The following LRRFIP2 variants were observed in gnomAD, a reference collection of about 807,000 sequenced individuals.
LRRFIP2 encodes LRR binding FLII interacting protein 2.
LRRFIP2 carries 109 observed loss-of-function variants against 125.9 expected under a neutral mutation model. The observed-to-expected ratio is 0.87, with a 90% confidence interval of 0.74 to 1.01. LRRFIP2 has a LOEUF of 1.01. Ranked by LOEUF, LRRFIP2 falls within the 50% of genes least tolerant of loss-of-function variation. The probability of loss-of-function intolerance (pLI) is 0.00; values close to 1 mark genes in which losing one functional copy is unlikely to be tolerated. For synonymous variants in LRRFIP2, 291 were observed against 293.1 expected, an observed-to-expected ratio of 0.99 and a Z score of 0.07; for missense variants, 850 against 862.3, an observed-to-expected ratio of 0.99 and a Z score of 0.18.
chr3:37,104,376 T>G (rs2094214280), intron 14 of LRRFIP2, among the ~76,000 whole-genome samples: 1 of 152,168 alleles, frequency 6.6e-6, no homozygotes, highest in Non-Finnish European at 1.5e-5. Context: ...TTCCAAGGTG[T>G]TTTTAGGTGT....
At chr3:37,097,150 C>T (rs1189749431) in intron 15 of LRRFIP2, among the ~76,000 whole-genome samples, 1 of 151,616 alleles carries the variant, frequency 6.6e-6, no homozygotes, top group Non-Finnish European at 1.5e-5. Flanking sequence ...AATATTTTCC[C>T]CCACATCAAG....
intron 2 of LRRFIP2, chr3:37,143,698 A>C (rs1006967164): frequency 6.0e-6 from 1 of 167,308 alleles, no homozygotes; most frequent in Admixed American, 6.2e-5. Flanking sequence ...GTCCTCAGTA[A>C]ACTTTAGACA....
At chr3:37,145,432 A>G (rs1326097579) in intron 2 of LRRFIP2, among the ~76,000 whole-genome samples, 1 of 152,052 alleles carries the variant, frequency 6.6e-6, no homozygotes. Flanking sequence ...TGAGAGGGGG[A>G]AAAAAAGGTG....
intron 1 of LRRFIP2, among the ~76,000 whole-genome samples, chr3:37,155,988 C>A (rs2096177735): frequency 6.6e-6 from 1 of 152,150 alleles, no homozygotes; most frequent in South Asian, 2.1e-4. Context: ...GATTCTCCTG[C>A]CTCAGCCTCC....
chr3:37,079,926 G>C (rs1246009637), intron 19 of LRRFIP2, among the ~76,000 whole-genome samples: 1 of 152,030 alleles, frequency 6.6e-6, no homozygotes, highest in African/African-American at 2.4e-5. Flanking sequence ...GGGGTTTGGG[G>C]GAAAGGAAGA....
At chr3:37,081,718 T>TA (rs11408668) in intron 19 of LRRFIP2, among the ~76,000 whole-genome samples, 54,587 of 150,534 alleles carry the variant, frequency 0.36, 10,786 homozygotes, top group Non-Finnish European at 0.45. Context: ...ACCGTTTCTA[T>TA]AAAAAAAAAT....
In LRRFIP2 at chr3:37,123,246, T is replaced by G. The variant is rs1384432798; in HGVS notation, c.229-1555A>C. Among the ~76,000 whole-genome samples the G allele has an allele frequency of 2.0e-5, 3 of 152,232 alleles. No individual in the cohort carries two copies. In the East Asian group the frequency reaches 5.8e-4, roughly 29 times the overall value. On this transcript the variant is annotated intron_variant, in intron 4 of 27. Coordinates refer to ENST00000336686, the MANE Select transcript of LRRFIP2 (RefSeq NM_006309.4). Reference sequence around the variant, plus strand: ...CTCTGTCGCCTAGGCTGGAATGCAGTGGCGCGACCTCAGTTCATGGCAACC... The same window carrying G: ...CTCTGTCGCCTAGGCTGGAATGCAGGGGCGCGACCTCAGTTCATGGCAACC...
chr3:37,120,352 G>A (rs376191665), intron 6 of LRRFIP2, among the ~76,000 whole-genome samples: 48 of 152,074 alleles, frequency 3.2e-4, no homozygotes, highest in South Asian at 2.3e-3. Flanking sequence ...TGATCCACCC[G>A]CCTTGGCCTC....
At chr3:37,165,316 G>A (rs2096452299) in intron 1 of LRRFIP2, among the ~76,000 whole-genome samples, 1 of 151,890 alleles carries the variant, frequency 6.6e-6, no homozygotes, top group South Asian at 2.1e-4. Context: ...AGAATCTAAT[G>A]CCTGATGATC....
At chr3:37,125,683 A>G (rs1406422571) in intron 4 of LRRFIP2, among the ~76,000 whole-genome samples, 1 of 152,164 alleles carries the variant, frequency 6.6e-6, no homozygotes, top group African/African-American at 2.4e-5. Flanking sequence ...TTCATTCCCT[A>G]TTCATGTCCC....
chr3:37,111,932 C>A (rs2094558804), intron 8 of LRRFIP2: 1 of 152,440 alleles, frequency 6.6e-6, no homozygotes, highest in Non-Finnish European at 1.5e-5. Flanking sequence ...GCCTTCCAAC[C>A]CTCTCCCCGT....
rs771548638 is a variant in LRRFIP2 at position 37,083,715 on chromosome 3, A to G, written c.1199T>C (p.Val400Ala). 1.9e-6 allele frequency: 3 copies of G among 1,599,438 alleles called. No homozygotes were observed. The highest frequency in any genetic ancestry group is 2.3e-5 in the East Asian group (1 of 43,610). Residue 400 changes from valine to alanine, a missense_variant, in exon 19 of 28, where the codon GTA (valine) becomes GCA (alanine). By Grantham distance (64) the Val-to-Ala change is moderately conservative. Coordinates refer to ENST00000336686, the MANE Select transcript of LRRFIP2 (RefSeq NM_006309.4). ...TTCAATAACATCCTTGAGTGTGTCT[A>G]CTTGGTAGATCAAATTGTTCTTCTC... ...DNEKNNLIYQ[V>A]DTLKDVIEEQ...
upstream of LRRFIP2, among the ~76,000 whole-genome samples, chr3:37,175,454 T>G (rs1001039208): frequency 1.9e-4 from 29 of 152,198 alleles, no homozygotes; most frequent in African/African-American, 6.3e-4. Flanking sequence ...CTTTTTTCCC[T>G]CTAAGAAAGA....
intron 2 of LRRFIP2, among the ~76,000 whole-genome samples, chr3:37,145,269 T>C (rs558580747): frequency 2.0e-5 from 3 of 152,202 alleles, no homozygotes; most frequent in African/African-American, 7.2e-5. Context: ...ATATCTTCCA[T>C]TTACTCGGAG....
chr3:37,107,640 AT>A (rs946898327), intron 13 of LRRFIP2, among the ~76,000 whole-genome samples: 5 of 152,072 alleles, frequency 3.3e-5, no homozygotes, highest in African/African-American at 1.2e-4. Context: ...TCGTATAACA[AT>A]TTTTTTTAAT....
intron 23 of LRRFIP2, chr3:37,064,863 G>A (rs749760817): frequency 3.3e-5 from 5 of 152,088 alleles, no homozygotes; most frequent in Non-Finnish European, 5.9e-5. Flanking sequence ...GCAGACGAGG[G>A]AAAAAACAGC....
At chr3:37,118,132 G>A (rs1401480419) in intron 6 of LRRFIP2, among the ~76,000 whole-genome samples, 1 of 152,134 alleles carries the variant, frequency 6.6e-6, no homozygotes, top group East Asian at 1.9e-4. Flanking sequence ...CACAATCAAC[G>A]CTCACTGCAG....
At chr3:37,095,656 G>A (rs1470456179) in intron 16 of LRRFIP2, among the ~76,000 whole-genome samples, 1 of 151,836 alleles carries the variant, frequency 6.6e-6, no homozygotes, top group East Asian at 1.9e-4. Flanking sequence ...TTTTTTTTGA[G>A]GTGGAGTCTC....
chr3:37,146,793 A>G (rs978486519), intron 2 of LRRFIP2, among the ~76,000 whole-genome samples: 3 of 152,236 alleles, frequency 2.0e-5, no homozygotes, highest in Non-Finnish European at 4.4e-5. Flanking sequence ...AGGCAATGTC[A>G]TTAAGGACAT....
Sources: allele counts gnomAD v4.1 joint callset (sites outside exome capture counted in the v4.1 genomes callset), GRCh38; gene constraint gnomAD v4.1.1; transcripts MANE v1.5; gene names NCBI Gene and HGNC (gene_info 2026-07-23, HGNC 2026-07-21).